The following KCNA2 variants were observed in gnomAD, a reference collection of about 807,000 sequenced individuals.
The protein encoded by KCNA2 is potassium voltage-gated channel subfamily A member 2, also known as potassium channel, voltage gated shaker related subfamily A, member 2.
In KCNA2, 11 loss-of-function variants were observed where a neutral mutation model predicts 33.4. That is an observed-to-expected ratio of 0.33 (90% CI 0.21 to 0.55). The LOEUF (loss-of-function observed/expected upper bound fraction) is 0.55, where lower values mean the gene tolerates loss of function less well. Among genes scored for constraint, KCNA2 ranks in the 20% least tolerant of loss-of-function variants. KCNA2 has a pLI of 0.93. For missense variants in KCNA2, 291 were observed against 621.6 expected, an observed-to-expected ratio of 0.47 and a Z score of 5.66; for synonymous variants, 222 against 231.3, an observed-to-expected ratio of 0.96 and a Z score of 0.37.
intron 1 of KCNA2, among the ~76,000 whole-genome samples, chr1:110,624,065 A>G (rs755610132): frequency 5.3e-5 from 8 of 152,248 alleles, no homozygotes; most frequent in Non-Finnish European, 1.2e-4. Context: ...AAAATGGTGA[A>G]TCTACTTTGG....
chr1:110,625,612 C>A (rs2101467931), intron 1 of KCNA2, among the ~76,000 whole-genome samples: 1 of 152,156 alleles, frequency 6.6e-6, no homozygotes, highest in South Asian at 2.1e-4. Flanking sequence ...ATTACAACAA[C>A]AACAAAACTT....
Position 110,594,405 on chromosome 1 carries a change from G to A in KCNA2, c.*8878C>T. The stretch of plus-strand genomic sequence containing the variant: ...CCTATATAAGCACATAAGCACACAG[G>A]TCTGGAAAAGGAAATAGCATCCTCC... On this transcript the variant is annotated 3_prime_UTR_variant, in exon 3 of 3. Coordinates refer to ENST00000316361, the MANE Select transcript of KCNA2 (RefSeq NM_004974.4). 2.0e-6 allele frequency: 2 copies of A among 984,650 alleles called. No homozygotes were observed. Among genetic ancestry groups the A allele is most frequent in the Non-Finnish European group, 2.4e-6 (2 of 829,858 alleles). 61.0% of individuals were successfully genotyped at this position (984,650 alleles called of 1,614,324 possible).
intron 1 of KCNA2, among the ~76,000 whole-genome samples, chr1:110,625,678 A>T (rs1650370803): frequency 6.6e-6 from 1 of 152,230 alleles, no homozygotes; most frequent in Non-Finnish European, 1.5e-5. Context: ...AAGTGGGAAA[A>T]ATATCTGTAA....
chr1:110,614,165 C>G (rs1221627106), intron 1 of KCNA2, among the ~76,000 whole-genome samples: 1 of 152,208 alleles, frequency 6.6e-6, no homozygotes, highest in Non-Finnish European at 1.5e-5. Context: ...GCGAGGAGCT[C>G]CATGGCTTCT....
upstream of KCNA2, chr1:110,606,562 C>T (rs1391087510): frequency 6.6e-6 from 1 of 152,488 alleles, no homozygotes; most frequent in African/African-American, 2.4e-5. Flanking sequence ...CGCAGAGGAC[C>T]AGACCCTCCC....
At position 110,598,340 on chromosome 1, in the gene KCNA2, G is replaced by A. The variant is rs1309969337; in HGVS notation, c.*4943C>T. 2.1e-6 allele frequency: 2 copies of A among 969,360 alleles called. No individual in the cohort carries two copies. The highest frequency in any genetic ancestry group is 3.5e-5 in the African/African-American group (2 of 56,822). The allele number at this position is 969,360 out of a possible 1,614,324, so 60.0% of individuals were successfully genotyped here. On this transcript the variant is annotated 3_prime_UTR_variant, in exon 3 of 3. Coordinates refer to ENST00000316361, the MANE Select transcript of KCNA2 (RefSeq NM_004974.4). Reference sequence around the variant, plus strand: ...CACTGTGCTCCCCTGCCTGACATAGGGGTAGTGGTGCCACCTTCATATGCA... The same window carrying A: ...CACTGTGCTCCCCTGCCTGACATAGAGGTAGTGGTGCCACCTTCATATGCA...
chr1:110,618,473 T>C (rs1650144156), intron 1 of KCNA2, among the ~76,000 whole-genome samples: 1 of 152,184 alleles, frequency 6.6e-6, no homozygotes, highest in Non-Finnish European at 1.5e-5. Context: ...CCTCAGTTCT[T>C]TCCCTGTGGA....
intron 1 of KCNA2, among the ~76,000 whole-genome samples, chr1:110,630,190 A>G (rs1481806808): frequency 6.6e-6 from 1 of 151,468 alleles, no homozygotes; most frequent in Non-Finnish European, 1.5e-5. Flanking sequence ...TAATTTTTGT[A>G]ATTTTTTTTT....
Position 110,596,997 on chromosome 1 carries a change from C to T in KCNA2, c.*6286G>A, listed in dbSNP as rs978170379. The T allele has an allele frequency of 1.4e-5, 14 of 985,304 alleles. No homozygotes were observed. Among genetic ancestry groups the T allele is most frequent in the Middle Eastern group, 1.0e-3 (2 of 1,936 alleles). 61.0% of individuals were successfully genotyped at this position (985,304 alleles called of 1,614,324 possible). The stretch of plus-strand genomic sequence containing the variant: ...ATATTTGTGCAGCTGCACACTCTAG[C>T]GGGTGGTAGAGTCTTTATTTCACTA... On this transcript the variant is annotated 3_prime_UTR_variant, in exon 3 of 3. Transcript: ENST00000316361.
chr1:110,608,024 C>T (rs1407663931), upstream of KCNA2: 1 of 152,542 alleles, frequency 6.6e-6, no homozygotes, highest in East Asian at 1.9e-4. Flanking sequence ...TCCCCGACTC[C>T]CTCCCCCAGG....
At chr1:110,613,929 T>C (rs1260198991) in intron 1 of KCNA2, among the ~76,000 whole-genome samples, 2 of 152,202 alleles carry the variant, frequency 1.3e-5, no homozygotes, top group Non-Finnish European at 2.9e-5. Context: ...TAAGCTCTCC[T>C]AAGGACCCGT....
upstream of KCNA2, among the ~76,000 whole-genome samples, chr1:110,610,109 T>A (rs1410867636): frequency 6.6e-6 from 1 of 152,148 alleles, no homozygotes; most frequent in Non-Finnish European, 1.5e-5. Context: ...ATGGTGAAAA[T>A]CCCCAAAGAC....
chr1:110,601,828 G>A lies in KCNA2; in HGVS notation c.*1455C>T, dbSNP rs6675561. On this transcript the variant is annotated 3_prime_UTR_variant, in exon 3 of 3. Transcript: ENST00000316361. ...TGTGTGTGTGTGTGTGTGTGTGTGT[G>A]TATACATATACACACATATGTATGT... 19,903 of 1,235,860 alleles carry A rather than the reference G, an allele frequency of 0.016. 1,659 individuals carry two copies. In the African/African-American group the frequency reaches 0.23, roughly 14 times the overall value. 76.6% of individuals were successfully genotyped at this position (1,235,860 alleles called of 1,614,324 possible).
rs1194485302 is a variant in KCNA2 at position 110,604,493 on chromosome 1, C to T, written c.290G>A (p.Arg97Gln). Residue 97 changes from arginine to glutamine, a missense_variant, in exon 3 of 3, where the codon CGA becomes CAA. Physicochemically the swap from Arg to Gln is conservative, Grantham distance 43. Around this residue, in one of 5 missense-constraint regions of KCNA2, gnomAD observed 163 missense variants for 273.5 expected, o/e 0.60. Transcript: ENST00000316361. This position sits in a 1 kb window ranked among gnomAD's most constrained non-coding sequence, Gnocchi z 7.6. The part of the protein sequence containing the change: ...AILYYYQSGG[R>Q]LRRPVNVPLD... Reference sequence around the variant, plus strand: ...GGGCACATTCACAGGTCGCCTCAATCGGCCCCCTGACTGGTAGTAGTACAA... The same window carrying T: ...GGGCACATTCACAGGTCGCCTCAATTGGCCCCCTGACTGGTAGTAGTACAA... 4.3e-6 allele frequency: 7 copies of T among 1,614,082 alleles called. No individual in the cohort carries two copies. Among genetic ancestry groups the T allele is most frequent in the South Asian group, 2.2e-5 (2 of 91,086 alleles).
chr1:110,625,662 A>G (rs1165916942), intron 1 of KCNA2, among the ~76,000 whole-genome samples: 1 of 152,224 alleles, frequency 6.6e-6, no homozygotes, highest in Non-Finnish European at 1.5e-5. Flanking sequence ...TCAAAGAAAA[A>G]TGATAAAGTG....
intron 1 of KCNA2, among the ~76,000 whole-genome samples, chr1:110,622,144 A>C (rs1650274121): frequency 6.6e-6 from 1 of 152,168 alleles, no homozygotes; most frequent in South Asian, 2.1e-4. Context: ...GAAAAGAATA[A>C]TACATCATGA....
At position 110,597,379 on chromosome 1, in the gene KCNA2, G is replaced by T. The variant is rs1557727290; in HGVS notation, c.*5904C>A. ...TTCCATTACATCTGCCAGACTGAGG[G>T]AAAGTCAACAAAATGGGCTGAAAAG... On this transcript the variant is annotated 3_prime_UTR_variant, in exon 3 of 3. Coordinates refer to ENST00000316361, the MANE Select transcript of KCNA2 (RefSeq NM_004974.4). 1.0e-6 allele frequency: 1 copy of T among 985,396 alleles called. No homozygotes were observed. The highest frequency in any genetic ancestry group is 4.7e-5 in the South Asian group (1 of 21,278). 61.0% of individuals were successfully genotyped at this position (985,396 alleles called of 1,614,324 possible). A position where few individuals can be genotyped will look rare whatever the true frequency, so the allele number is the denominator to read the frequency against.
Position 110,596,096 on chromosome 1 carries a change from AG to A in KCNA2, c.*7186del. The A allele has an allele frequency of 1.0e-6, 1 of 985,346 alleles. No homozygotes were observed. Among genetic ancestry groups the A allele is most frequent in the African/African-American group, 1.7e-5 (1 of 57,326 alleles). The allele number at this position is 985,346 out of a possible 1,614,324, so 61.0% of individuals were successfully genotyped here. ...CAGCCACCTGGGAGGGAAAGGAAAG[AG>A]GTGATCCTGTAGCCTGTTCTTTTTT... On this transcript the variant is annotated 3_prime_UTR_variant, in exon 3 of 3. Transcript: ENST00000316361.
At chr1:110,612,649 C>T (rs1046361172) in intron 1 of KCNA2, among the ~76,000 whole-genome samples, 1 of 152,328 alleles carries the variant, frequency 6.6e-6, no homozygotes, top group African/African-American at 2.4e-5. Context: ...CTCTTCTCCC[C>T]ACAGTTGCTA....
Sources: allele counts gnomAD v4.1 joint callset (sites outside exome capture counted in the v4.1 genomes callset), GRCh38; gene constraint gnomAD v4.1.1; regional missense constraint gnomAD v4.1.1; non-coding constraint Gnocchi (gnomAD v3.1); transcripts MANE v1.5; gene names NCBI Gene and HGNC (gene_info 2026-07-23, HGNC 2026-07-21).